PRKG1: variants seen among roughly 807,000 people sequenced by gnomAD.
PRKG1 encodes the protein protein kinase cGMP-dependent 1, also known as cGMP-dependent protein kinase 1.
In PRKG1, 35 loss-of-function variants were observed where a neutral mutation model predicts 88.1. The ratio of observed to expected loss-of-function variants is 0.40; its 90% CI spans 0.30 to 0.53. PRKG1 has a LOEUF of 0.53. Among genes scored for constraint, PRKG1 ranks in the 20% least tolerant of loss-of-function variants. The pLI is 0.59. For missense variants in PRKG1, 540 were observed against 839.8 expected (o/e 0.64, Z 4.41); for synonymous variants, 303 against 292.5 (o/e 1.04, Z -0.37).
chr10:51,131,039 T>C lies in PRKG1; in HGVS notation c.312-22125T>C, dbSNP rs141104293. Among the ~76,000 whole-genome samples the C allele has an allele frequency of 2.1e-3, 316 of 152,358 alleles. 2 individuals carry two copies. Among genetic ancestry groups the C allele is most frequent in the African/African-American group, 7.4e-3 (306 of 41,584 alleles). ...GTTTTATTAAAGTCCAAATATTTAT[T>C]ATATGCCATATTAAACAGTAAATAG... On this transcript the variant is annotated intron_variant, in intron 1 of 17. Coordinates refer to ENST00000373980, the MANE Select transcript of PRKG1 (RefSeq NM_006258.4).
chr10:51,848,471 T>G (rs1840460335), intron 4 of PRKG1, among the ~76,000 whole-genome samples: 1 of 152,204 alleles, frequency 6.6e-6, no homozygotes, highest in African/African-American at 2.4e-5. Context: ...ACAGTTTTCT[T>G]ATAAGCTTGT....
chr10:51,166,793 C>T (rs1423802864), intron 2 of PRKG1, among the ~76,000 whole-genome samples: 1 of 152,096 alleles, frequency 6.6e-6, no homozygotes, highest in Non-Finnish European at 1.5e-5. Flanking sequence ...TGGTGTGTTT[C>T]CACCTGCAGA....
intron 2 of PRKG1, among the ~76,000 whole-genome samples, chr10:51,279,552 T>G (rs546071264): frequency 6.6e-6 from 1 of 152,358 alleles, no homozygotes; most frequent in South Asian, 2.1e-4. Flanking sequence ...TTTATGAATC[T>G]GGGTGCCCCT....
chr10:51,644,780 G>A (rs1420858908), intron 3 of PRKG1, among the ~76,000 whole-genome samples: 4 of 151,928 alleles, frequency 2.6e-5, no homozygotes, highest in Admixed American at 6.6e-5. Flanking sequence ...TTCCTTCCTC[G>A]CTTCCTCCCT....
chr10:51,272,707 T>G (rs1364441775), intron 2 of PRKG1, among the ~76,000 whole-genome samples: 1 of 152,150 alleles, frequency 6.6e-6, no homozygotes, highest in African/African-American at 2.4e-5. Flanking sequence ...GAAATTTGTC[T>G]TAGTCTTGGA....
chr10:51,813,923 A>C (rs1246792492), intron 4 of PRKG1, among the ~76,000 whole-genome samples: 2 of 152,174 alleles, frequency 1.3e-5, no homozygotes, highest in Admixed American at 6.5e-5. Context: ...TATCACTTTA[A>C]ACAAGTGACA....
intron 5 of PRKG1, among the ~76,000 whole-genome samples, chr10:51,953,303 A>C (rs1843227933): frequency 6.6e-6 from 1 of 152,222 alleles, no homozygotes; most frequent in South Asian, 2.1e-4. Flanking sequence ...ACTGTTTTCC[A>C]GGCAGAAATG....
chr10:51,005,969 G>A (rs973946459), intron 1 of PRKG1, among the ~76,000 whole-genome samples: 7 of 152,116 alleles, frequency 4.6e-5, no homozygotes, highest in Non-Finnish European at 8.8e-5. Context: ...TATGGGTTAG[G>A]GGCTGTTTGT....
chr10:52,248,581 G>A (rs551133321), intron 9 of PRKG1, among the ~76,000 whole-genome samples: 5 of 152,214 alleles, frequency 3.3e-5, no homozygotes, highest in East Asian at 1.9e-4. Context: ...CTAGCAAAGC[G>A]TGATTACAAC....
At chr10:51,983,024 G>A (rs892789590) in intron 5 of PRKG1, among the ~76,000 whole-genome samples, 12 of 151,996 alleles carry the variant, frequency 7.9e-5, no homozygotes, top group Admixed American at 5.9e-4. Flanking sequence ...TGTGTGCTGC[G>A]GGCCCTCTTT....
chr10:51,420,698 G>A (rs765745847), intron 2 of PRKG1, among the ~76,000 whole-genome samples: 15 of 152,234 alleles, frequency 9.9e-5, no homozygotes, highest in South Asian at 8.3e-4. Context: ...GTATTAGGCC[G>A]TTCTTGCCTT....
intron 3 of PRKG1, among the ~76,000 whole-genome samples, chr10:51,544,569 C>G (rs1842399258): frequency 6.6e-6 from 1 of 151,912 alleles, no homozygotes; most frequent in Admixed American, 6.6e-5. Flanking sequence ...GGGTATATAC[C>G]CAGTAATGGG....
intron 4 of PRKG1, among the ~76,000 whole-genome samples, chr10:51,814,193 T>C (rs911906530): frequency 1.3e-5 from 2 of 152,178 alleles, no homozygotes; most frequent in Admixed American, 6.5e-5. Flanking sequence ...TTTTAAGGAA[T>C]TGAACTGTTT....
chr10:52,224,222 A>C (rs1218574624), intron 9 of PRKG1, among the ~76,000 whole-genome samples: 1 of 151,928 alleles, frequency 6.6e-6, no homozygotes, highest in Non-Finnish European at 1.5e-5. Flanking sequence ...TGTTCCAGCC[A>C]CTATAACTGT....
intron 2 of PRKG1, among the ~76,000 whole-genome samples, chr10:51,228,190 A>C (rs1838742951): frequency 6.6e-6 from 1 of 152,106 alleles, no homozygotes; most frequent in Non-Finnish European, 1.5e-5. Context: ...CAGTTGTTTA[A>C]AGGTCTGGGA....
chr10:51,170,437 T>TATAC (rs1277688771), intron 2 of PRKG1, among the ~76,000 whole-genome samples: 14 of 144,670 alleles, frequency 9.7e-5, no homozygotes, highest in African/African-American at 2.6e-4. Context: ...TGTCTGGGTA[T>TATAC]ACACACACAC....
chr10:51,170,581 G>C (rs1846678214), intron 2 of PRKG1, among the ~76,000 whole-genome samples: 1 of 151,926 alleles, frequency 6.6e-6, no homozygotes, highest in African/African-American at 2.4e-5. Context: ...GAAGGCCTCT[G>C]TAAGTTGAGC....
At chr10:51,428,051 T>C (rs1266692858) in intron 2 of PRKG1, among the ~76,000 whole-genome samples, 1 of 152,180 alleles carries the variant, frequency 6.6e-6, no homozygotes, top group Non-Finnish European at 1.5e-5. Flanking sequence ...TAAGGGCACA[T>C]GGCCTTAAGG....
intron 3 of PRKG1, among the ~76,000 whole-genome samples, chr10:51,741,252 T>C (rs1038550228): frequency 5.9e-5 from 9 of 152,164 alleles, no homozygotes; most frequent in African/African-American, 2.2e-4. Context: ...TGAAGATATG[T>C]ATCATGCACT....
Sources: gnomAD v4.1 joint callset for allele counts (sites outside exome capture counted in the v4.1 genomes callset) on GRCh38, gnomAD v4.1.1 for gene constraint, MANE v1.5 for transcripts, NCBI Gene and HGNC (gene_info 2026-07-23, HGNC 2026-07-21) for gene names.